Variants in ULK4 observed in about 807,000 individuals in gnomAD.
ULK4 encodes the protein inactive serine/threonine-protein kinase ULK4.
ULK4 carries 133 observed loss-of-function variants against 160.6 expected under a neutral mutation model. That is an observed-to-expected ratio of 0.83 (90% CI 0.72 to 0.96). The LOEUF (loss-of-function observed/expected upper bound fraction) is 0.96, where lower values mean the gene tolerates loss of function less well. Ranked by LOEUF, ULK4 falls within the 40% of genes least tolerant of loss-of-function variation. The pLI is 0.00. For synonymous variants in ULK4, 534 were observed against 539.8 expected (o/e 0.99, Z 0.15); for missense variants, 1,580 against 1,499.5 (o/e 1.05, Z -0.89).
chr3:41,827,842 AC>A (rs1189008985), intron 18 of ULK4, among the ~76,000 whole-genome samples: 1 of 152,020 alleles, frequency 6.6e-6, no homozygotes, highest in East Asian at 1.9e-4. Flanking sequence ...CAGAGACACA[AC>A]CAAAAAAGAG....
At chr3:41,270,729 C>A (rs912729738) in intron 35 of ULK4, among the ~76,000 whole-genome samples, 2 of 152,056 alleles carry the variant, frequency 1.3e-5, no homozygotes, top group African/African-American at 4.8e-5. Context: ...TTTTATACGA[C>A]GAGATCGTGG....
chr3:41,573,478 A>G (rs951825553), intron 31 of ULK4, among the ~76,000 whole-genome samples: 2 of 152,234 alleles, frequency 1.3e-5, no homozygotes, highest in Non-Finnish European at 2.9e-5. Flanking sequence ...CAAGGTAGAA[A>G]ATACCTTTAA....
chr3:41,683,350 C>A (rs2125793235), intron 27 of ULK4, among the ~76,000 whole-genome samples: 1 of 152,052 alleles, frequency 6.6e-6, no homozygotes, highest in East Asian at 1.9e-4. Flanking sequence ...AGCCCAAGAA[C>A]TCATGGTCAG....
intron 31 of ULK4, among the ~76,000 whole-genome samples, chr3:41,571,389 T>G (rs890821091): frequency 1.3e-5 from 2 of 152,220 alleles, no homozygotes; most frequent in Non-Finnish European, 2.9e-5. Context: ...TTAAGCATAC[T>G]TCTATTAACT....
chr3:41,529,712 C>T (rs7643149), intron 32 of ULK4, among the ~76,000 whole-genome samples: 156 of 152,266 alleles, frequency 1.0e-3, no homozygotes, highest in African/African-American at 3.4e-3. Flanking sequence ...AGGCTGGTCT[C>T]GAACTCCTGG....
At chr3:41,479,187 C>G (rs2084234796) in intron 32 of ULK4, among the ~76,000 whole-genome samples, 1 of 152,238 alleles carries the variant, frequency 6.6e-6, no homozygotes, top group Non-Finnish European at 1.5e-5. Flanking sequence ...GAGCCCTACA[C>G]CTCAGAAAAT....
At chr3:41,706,476 A>C (rs1468754935) in intron 25 of ULK4, among the ~76,000 whole-genome samples, 1 of 149,576 alleles carries the variant, frequency 6.7e-6, no homozygotes, top group Non-Finnish European at 1.5e-5. Context: ...AATAAAACAT[A>C]AGATGACCTC....
chr3:41,431,098 C>CT (rs1451362366), intron 34 of ULK4, among the ~76,000 whole-genome samples: 1 of 152,002 alleles, frequency 6.6e-6, no homozygotes, highest in Non-Finnish European at 1.5e-5. Flanking sequence ...GCTGGTAATC[C>CT]TAGCACTTTG....
At chr3:41,771,615 G>A (rs1371487904) in intron 21 of ULK4, among the ~76,000 whole-genome samples, 1 of 152,014 alleles carries the variant, frequency 6.6e-6, no homozygotes, top group Non-Finnish European at 1.5e-5. Flanking sequence ...CATACTGTGT[G>A]CGAGTAAAAG....
chr3:41,462,784 T>G (rs529517055), intron 33 of ULK4, among the ~76,000 whole-genome samples: 1 of 152,168 alleles, frequency 6.6e-6, no homozygotes, highest in African/African-American at 2.4e-5. Flanking sequence ...TGCAAACTAC[T>G]TGGCCAACCT....
At chr3:41,691,954 T>C (rs956786944) in intron 27 of ULK4, among the ~76,000 whole-genome samples, 2 of 134,390 alleles carry the variant, frequency 1.5e-5, no homozygotes, top group East Asian at 2.1e-4. Flanking sequence ...TTTTTTTTTT[T>C]TTTTTTTTTT....
At position 41,681,639 on chromosome 3, in the gene ULK4, G is replaced by A. The variant is rs1410234878; in HGVS notation, c.2847C>T (p.Leu949=). 1 of 1,613,546 alleles carries A rather than the reference G, an allele frequency of 6.2e-7. No individual in the cohort carries two copies. The highest frequency in any genetic ancestry group is 8.5e-7 in the Non-Finnish European group (1 of 1,179,954). Residue 949 remains leucine, a synonymous_variant, in exon 29 of 37, where the codon CTC becomes CTT. Transcript: ENST00000301831. Reference sequence around the variant, plus strand: ...TTTCTGAGAGCAACCGCAAGCTAAAGAGTCTCCACTCCACTTGAAAGAAAA... The same window carrying A: ...TTTCTGAGAGCAACCGCAAGCTAAAAAGTCTCCACTCCACTTGAAAGAAAA... ...LVQSQNVEWR[L]FSLRLLSETT... is the part of the protein sequence containing the mutation.
At chr3:41,766,232 C>T (rs1235841059) in intron 21 of ULK4, among the ~76,000 whole-genome samples, 1 of 149,560 alleles carries the variant, frequency 6.7e-6, no homozygotes, top group African/African-American at 2.4e-5. Context: ...CACGCCACTG[C>T]ACTCCAGCCT....
At chr3:41,447,710 G>A (rs1016801958) in intron 34 of ULK4, among the ~76,000 whole-genome samples, 1 of 152,022 alleles carries the variant, frequency 6.6e-6, no homozygotes, top group African/African-American at 2.4e-5. Flanking sequence ...TATGTATTGC[G>A]GTGGCTATAA....
intron 5 of ULK4, among the ~76,000 whole-genome samples, chr3:41,927,263 G>A (rs1008696931): frequency 6.6e-6 from 1 of 152,072 alleles, no homozygotes; most frequent in Non-Finnish European, 1.5e-5. Flanking sequence ...CATAAGCGAA[G>A]GAGAAATAAA....
intron 31 of ULK4, among the ~76,000 whole-genome samples, chr3:41,594,294 T>C (rs1199013910): frequency 1.3e-5 from 2 of 152,092 alleles, no homozygotes; most frequent in Non-Finnish European, 2.9e-5. Context: ...CTCAGCACTT[T>C]GGGAGGCCAA....
In ULK4 at chr3:41,506,432, G is replaced by A. The variant is rs368810660; in HGVS notation, c.3227-43179C>T. Among the ~76,000 whole-genome samples, 6 of 152,244 alleles carry A rather than the reference G, an allele frequency of 3.9e-5. No homozygotes were observed. The East Asian group carries it at 5.8e-4, about 15-fold the overall frequency. On this transcript the variant is annotated intron_variant, in intron 32 of 36. Transcript: ENST00000301831. ...AATCTACACTGGAGGAAGAATAGCA[G>A]AAGTTGACAATAATTCATCTAACAT...
intron 21 of ULK4, among the ~76,000 whole-genome samples, chr3:41,762,003 G>C (rs2038999408): frequency 6.6e-6 from 1 of 152,044 alleles, no homozygotes; most frequent in Non-Finnish European, 1.5e-5. Flanking sequence ...TGGATCACTT[G>C]AGCCCAGGAG....
intron 33 of ULK4, 104 bp from the exon 34 acceptor site, chr3:41,455,699 C>A: frequency 3.3e-6 from 3 of 897,846 alleles, no homozygotes; most frequent in Non-Finnish European, 5.2e-6. Flanking sequence ...GCTGAGGAAG[C>A]ATTCTACCTC....
Sources: gnomAD v4.1 joint callset for allele counts (sites outside exome capture counted in the v4.1 genomes callset) on GRCh38, gnomAD v4.1.1 for gene constraint, MANE v1.5 for transcripts, NCBI Gene and HGNC (gene_info 2026-07-23, HGNC 2026-07-21) for gene names.